The following TSC22D3 variants were observed in gnomAD, a reference collection of about 807,000 sequenced individuals.
The protein encoded by TSC22D3 is TSC22 domain family member 3, also known as TSC22 domain family protein 3.
Under a neutral mutation model 11.1 loss-of-function variants are expected in TSC22D3, and 4 were observed. That is an observed-to-expected ratio of 0.36 (90% CI 0.18 to 0.83). The LOEUF (loss-of-function observed/expected upper bound fraction) is 0.83, where lower values mean the gene tolerates loss of function less well. Ranked by LOEUF, TSC22D3 falls within the 40% of genes least tolerant of loss-of-function variation. The pLI, the probability that TSC22D3 is intolerant of heterozygous loss-of-function variation, is 0.48. For missense variants in TSC22D3, 118 were observed against 159.4 expected (o/e 0.74, Z 1.40); for synonymous variants, 77 against 70.3 (o/e 1.10, Z -0.48).
chrX:107,723,893 G>A (rs1413284696), intron 1 of TSC22D3, among the ~76,000 whole-genome samples: 1 of 112,492 alleles, frequency 8.9e-6, no homozygotes, highest in African/African-American at 3.2e-5. Flanking sequence ...AGGAGCACCT[G>A]CCTCCATTGT....
intron 1 of TSC22D3, among the ~76,000 whole-genome samples, chrX:107,758,351 A>T (rs1025746813): frequency 9.0e-6 from 1 of 111,634 alleles, no homozygotes; most frequent in Non-Finnish European, 1.9e-5. Flanking sequence ...GGTTAATGGA[A>T]CGTCACCTGT....
chrX:107,756,469 C>T (rs1017314566), intron 1 of TSC22D3, among the ~76,000 whole-genome samples: 3 of 112,623 alleles, frequency 2.7e-5, no homozygotes, highest in Non-Finnish European at 3.8e-5. Flanking sequence ...TGTATGTTTA[C>T]CACATTTGGG....
intron 1 of TSC22D3, among the ~76,000 whole-genome samples, chrX:107,760,080 G>A (rs1241138970): frequency 8.9e-6 from 1 of 112,916 alleles, no homozygotes; most frequent in Non-Finnish European, 1.9e-5. Flanking sequence ...CCCAGACGGC[G>A]GCTCTGCCAG....
In TSC22D3 at chrX:107,714,590, A is replaced by G; in HGVS notation, c.532T>C (p.Cys178Arg). The change falls in exon 3 of 3, where the codon TGT becomes CGT. Residue 178 changes from cysteine to arginine, a missense_variant. Cys to Arg is a radical substitution (Grantham distance 180, BLOSUM62 -3). Coordinates refer to ENST00000372383, the MANE Select transcript of TSC22D3 (RefSeq NM_198057.3). ...SPEQLEKFQSCLSPEEPAPES... is the reference protein window; with the variant it reads ...SPEQLEKFQSRLSPEEPAPES... ...GGAGCTGGCTCTTCAGGGCTCAGAC[A>G]GGACTGGAACTTCTCCAGCTGCTCT... 2.5e-6 allele frequency: 3 copies of G among 1,211,718 alleles called. No individual in the cohort carries two copies. Among genetic ancestry groups the G allele is most frequent in the African/African-American group, 1.7e-5 (1 of 57,730 alleles).
chrX:107,750,947 T>C (rs1202191433), intron 1 of TSC22D3, among the ~76,000 whole-genome samples: 2 of 111,943 alleles, frequency 1.8e-5, no homozygotes, highest in Non-Finnish European at 3.8e-5. Context: ...GGTATTTCTA[T>C]ATTATTAAAG....
chrX:107,772,001 T>C (rs1361142761), intron 1 of TSC22D3, among the ~76,000 whole-genome samples: 1 of 112,609 alleles, frequency 8.9e-6, no homozygotes, highest in Non-Finnish European at 1.9e-5. Flanking sequence ...GTCATCCAAC[T>C]GAAGAAACCT....
intron 1 of TSC22D3, 109 bp from the exon 2 acceptor site, chrX:107,716,059 C>G (rs1280162343): frequency 4.6e-6 from 4 of 875,550 alleles, no homozygotes; most frequent in Non-Finnish European, 6.4e-6. Context: ...CTCTCTCTCT[C>G]CTTCTCGCCT....
intron 1 of TSC22D3, among the ~76,000 whole-genome samples, chrX:107,735,176 C>T (rs1056073570): frequency 9.0e-6 from 1 of 111,229 alleles, no homozygotes; most frequent in Admixed American, 9.5e-5. Context: ...TTTTTTCTCC[C>T]TAAGAGGCCA....
At chrX:107,716,045 C>T in intron 1 of TSC22D3, 95 bp from the exon 2 acceptor site, 2 of 951,060 alleles carry the variant, frequency 2.1e-6, no homozygotes, top group Non-Finnish European at 2.9e-6. Context: ...TGCCTCGGCT[C>T]TTCCTCTCTC....
intron 1 of TSC22D3, among the ~76,000 whole-genome samples, chrX:107,741,677 A>G (rs971527720): frequency 3.6e-5 from 4 of 112,063 alleles, no homozygotes; most frequent in African/African-American, 1.3e-4. Context: ...CCTGGAGACC[A>G]ACTCATGGGT....
At chrX:107,724,670 A>G (rs1927525340) in intron 1 of TSC22D3, among the ~76,000 whole-genome samples, 1 of 112,402 alleles carries the variant, frequency 8.9e-6, no homozygotes, top group Non-Finnish European at 1.9e-5. Context: ...ATCCAGAGCT[A>G]GCTGTGTGCT....
At chrX:107,754,823 G>A (rs1381446677) in intron 1 of TSC22D3, among the ~76,000 whole-genome samples, 1 of 112,412 alleles carries the variant, frequency 8.9e-6, no homozygotes, top group Non-Finnish European at 1.9e-5. Context: ...TTATGACAGA[G>A]ATTGCAAATT....
At position 107,775,195 on chromosome X, in the gene TSC22D3, C is replaced by T. The variant is rs1930078102; in HGVS notation, c.225G>A (p.Glu75=). The change falls in exon 1 of 3, where the codon GAG becomes GAA. Residue 75 remains glutamate (E), a synonymous_variant. Coordinates refer to ENST00000372383, the MANE Select transcript of TSC22D3 (RefSeq NM_198057.3). ...LNSIMRQDSL[E]PVLRDPCYLI... is the part of the protein sequence containing the mutation. ...GGTAGCAGGGGTCCCGCAGCACCGG[C>T]TCTAGCGAATCCTGCCGCATTATGC... 8.3e-7 allele frequency: 1 copy of T among 1,212,084 alleles called. No individual in the cohort carries two copies. The highest frequency in any genetic ancestry group is 2.2e-5 in the Admixed American group (1 of 46,085).
intron 1 of TSC22D3, chrX:107,716,740 G>A: frequency 8.3e-7 from 1 of 1,209,461 alleles, no homozygotes; most frequent in Non-Finnish European, 1.1e-6. Context: ...GAGAAGAGAA[G>A]AAGGAGATGG....
intron 1 of TSC22D3, among the ~76,000 whole-genome samples, chrX:107,757,020 C>G (rs1929209399): frequency 1.8e-5 from 2 of 112,266 alleles, no homozygotes; most frequent in South Asian, 7.3e-4. Flanking sequence ...ACAAAAGAGG[C>G]CTTCAGTGGG....
At chrX:107,768,202 C>T (rs1489601287) in intron 1 of TSC22D3, among the ~76,000 whole-genome samples, 3 of 111,967 alleles carry the variant, frequency 2.7e-5, no homozygotes, top group African/African-American at 6.5e-5. Context: ...CAAACTCATT[C>T]CTCCCAACCA....
intron 1 of TSC22D3, among the ~76,000 whole-genome samples, chrX:107,735,705 C>T (rs997472586): frequency 2.7e-5 from 3 of 109,583 alleles, no homozygotes; most frequent in African/African-American, 3.3e-5. Context: ...TTCCCCTTCT[C>T]CTTCTTCCCC....
At chrX:107,760,574 G>C (rs1160612365) in intron 1 of TSC22D3, among the ~76,000 whole-genome samples, 1 of 112,262 alleles carries the variant, frequency 8.9e-6, no homozygotes, top group Non-Finnish European at 1.9e-5. Context: ...CCAGTTCTGA[G>C]CCTCTGTGTC....
At chrX:107,753,651 C>T (rs755528755) in intron 1 of TSC22D3, among the ~76,000 whole-genome samples, 1 of 111,894 alleles carries the variant, frequency 8.9e-6, no homozygotes, top group South Asian at 3.8e-4. Context: ...AAATCCACAG[C>T]ATCCACAACC....
Sources: allele counts gnomAD v4.1 joint callset (sites outside exome capture counted in the v4.1 genomes callset), GRCh38; gene constraint gnomAD v4.1.1; transcripts MANE v1.5; gene names NCBI Gene and HGNC (gene_info 2026-07-23, HGNC 2026-07-21).